SKAP1: variants seen among roughly 807,000 people sequenced by gnomAD.
The protein encoded by SKAP1 is src kinase associated phosphoprotein 1.
In SKAP1, 44 loss-of-function variants were observed where a neutral mutation model predicts 58.5. That is an observed-to-expected ratio of 0.75 (90% CI 0.59 to 0.97). The LOEUF is 0.97. SKAP1 is among the 50% of genes least tolerant of loss of function. The pLI is 0.00. For synonymous variants in SKAP1, 127 were observed against 149.7 expected (o/e 0.85, Z 1.11); for missense variants, 390 against 435.2 (o/e 0.90, Z 0.92).
At chr17:48,255,289 C>A (rs924404930) in intron 4 of SKAP1, among the ~76,000 whole-genome samples, 1 of 151,970 alleles carries the variant, frequency 6.6e-6, no homozygotes, top group Non-Finnish European at 1.5e-5. Context: ...TGTTTGCACT[C>A]ATTAAAGGTG....
At chr17:48,251,504 G>T (rs1323656528) in intron 4 of SKAP1, among the ~76,000 whole-genome samples, 2 of 152,134 alleles carry the variant, frequency 1.3e-5, no homozygotes, top group Non-Finnish European at 2.9e-5. Flanking sequence ...TTTTTAAAAA[G>T]AACTTTAATA....
intron 3 of SKAP1, among the ~76,000 whole-genome samples, chr17:48,363,239 G>A (rs2066958566): frequency 1.3e-5 from 2 of 152,018 alleles, no homozygotes; most frequent in African/African-American, 2.4e-5. Context: ...GGAAAACAAT[G>A]GTTTGAAAGC....
upstream of SKAP1, among the ~76,000 whole-genome samples, chr17:48,433,776 T>C (rs921424261): frequency 6.6e-6 from 1 of 152,078 alleles, no homozygotes; most frequent in Admixed American, 6.5e-5. Flanking sequence ...CTTCACGCAC[T>C]GTCAGCAGAC....
Position 48,268,446 on chromosome 17 carries a change from G to A in SKAP1, c.280+77459C>T, listed in dbSNP as rs546500393. Among the ~76,000 whole-genome samples the A allele has an allele frequency of 3.2e-4, 49 of 152,154 alleles. 1 individual carries two copies. In the South Asian group the frequency reaches 9.1e-3, roughly 28 times the overall value. ...ACAGAGCTGCTGCGGAAAATACTTG[G>A]AAGACTGAAAAGGATGAGTTGGTAC... is the stretch of plus-strand genomic sequence containing the variant. On this transcript the variant is annotated intron_variant, in intron 4 of 12. Transcript: ENST00000336915.
intron 3 of SKAP1, among the ~76,000 whole-genome samples, chr17:48,356,506 A>C (rs1023940528): frequency 2.0e-5 from 3 of 152,158 alleles, no homozygotes; most frequent in African/African-American, 4.8e-5. Context: ...CTCTCCAGAG[A>C]CAACCATTGT....
chr17:48,367,808 G>A (rs942451599), intron 2 of SKAP1, among the ~76,000 whole-genome samples: 6 of 151,144 alleles, frequency 4.0e-5, no homozygotes, highest in African/African-American at 1.5e-4. Context: ...CTAGCTACTC[G>A]GGAGGCTGAG....
At chr17:48,204,973 T>TTTTCTTTCTTTCTTTCTTTC (rs1555602827) in intron 4 of SKAP1, among the ~76,000 whole-genome samples, 4 of 77,294 alleles carry the variant, frequency 5.2e-5, no homozygotes, top group Non-Finnish European at 9.6e-5. Flanking sequence ...TTTTCTTTTC[T>TTTTCTTTCTTTCTTTCTTTC]TTTCTTTCTT....
At chr17:48,262,610 T>G (rs1567843304) in intron 4 of SKAP1, among the ~76,000 whole-genome samples, 1 of 152,230 alleles carries the variant, frequency 6.6e-6, no homozygotes, top group Non-Finnish European at 1.5e-5. Context: ...CATGAAGATT[T>G]GATTTTCCTA....
chr17:48,202,801 T>C (rs2064745764), intron 4 of SKAP1, among the ~76,000 whole-genome samples: 1 of 152,176 alleles, frequency 6.6e-6, no homozygotes, highest in Non-Finnish European at 1.5e-5. Context: ...AGAAAAAAAC[T>C]TTAGTACCAA....
At chr17:48,416,968 A>G (rs1041191282) in intron 1 of SKAP1, among the ~76,000 whole-genome samples, 1 of 152,366 alleles carries the variant, frequency 6.6e-6, no homozygotes, top group East Asian at 1.9e-4. Context: ...ACATAAAAGT[A>G]CCATAGTGGG....
intron 4 of SKAP1, among the ~76,000 whole-genome samples, chr17:48,300,393 G>GT (rs2066041697): frequency 6.6e-6 from 1 of 151,860 alleles, no homozygotes; most frequent in African/African-American, 2.4e-5. Context: ...AAAAGGAGGA[G>GT]AAGTTGCCTT....
intron 4 of SKAP1, among the ~76,000 whole-genome samples, chr17:48,211,724 T>C (rs566103456): frequency 4.6e-5 from 7 of 152,324 alleles, no homozygotes; most frequent in Admixed American, 3.3e-4. Context: ...GGCTCCTCTA[T>C]GGTGTTGGTA....
intron 2 of SKAP1, among the ~76,000 whole-genome samples, chr17:48,394,316 G>A (rs1025789072): frequency 6.6e-6 from 1 of 151,808 alleles, no homozygotes; most frequent in Non-Finnish European, 1.5e-5. Context: ...TTACTGTATG[G>A]TTCATGTATT....
At chr17:48,154,251 T>A (rs2063942264) in intron 11 of SKAP1, among the ~76,000 whole-genome samples, 1 of 152,198 alleles carries the variant, frequency 6.6e-6, no homozygotes, top group Non-Finnish European at 1.5e-5. Context: ...TCATCTGAGT[T>A]TAAGTAGCTG....
intron 1 of SKAP1, among the ~76,000 whole-genome samples, chr17:48,402,539 A>G (rs963233158): frequency 2.0e-5 from 3 of 152,296 alleles, no homozygotes; most frequent in African/African-American, 7.2e-5. Flanking sequence ...CACTTCGCCC[A>G]GGCTGGTCTT....
intron 4 of SKAP1, among the ~76,000 whole-genome samples, chr17:48,296,649 C>A (rs760979593): frequency 6.6e-6 from 1 of 152,120 alleles, no homozygotes. Flanking sequence ...TCAAATCCTG[C>A]TGTGAGGAAA....
chr17:48,246,900 A>G (rs2143851483), intron 4 of SKAP1, among the ~76,000 whole-genome samples: 1 of 152,350 alleles, frequency 6.6e-6, no homozygotes, highest in South Asian at 2.1e-4. Context: ...TGCTTAGAAC[A>G]GTCTTAACCA....
Position 48,409,933 on chromosome 17 carries a change from C to T in SKAP1, c.47-13148G>A, listed in dbSNP as rs184713246. ...CAAGAAAGAATGTAAACTGTAACAA[C>T]GTAATCTAACTGTATTACAAATCTA... is the stretch of plus-strand genomic sequence containing the variant. On this transcript the variant is annotated intron_variant, in intron 1 of 12. Transcript: ENST00000336915. Among the ~76,000 whole-genome samples, 221 of 152,134 alleles carry T rather than the reference C, an allele frequency of 1.5e-3. 1 individual carries two copies. The highest frequency in any genetic ancestry group is 0.014 in the Middle Eastern group (4 of 294).
Position 48,373,513 on chromosome 17 carries a change from T to TA in SKAP1, c.153-9700dup, listed in dbSNP as rs963955573. Among the ~76,000 whole-genome samples the TA allele has an allele frequency of 7.4e-4, 113 of 151,696 alleles. 1 individual carries two copies. Among genetic ancestry groups the TA allele is most frequent in the South Asian group, 1.5e-3 (7 of 4,800 alleles). On this transcript the variant is annotated intron_variant, in intron 2 of 12. Transcript: ENST00000336915. ...CTGCTTTCCTATTGGCTGTAATATA[T>TA]AAAAAAAAATAAATCTGGTACTTAA...
Sources: allele counts gnomAD v4.1 joint callset (sites outside exome capture counted in the v4.1 genomes callset), GRCh38; gene constraint gnomAD v4.1.1; transcripts MANE v1.5; gene names NCBI Gene and HGNC (gene_info 2026-07-23, HGNC 2026-07-21).